The following ZNF175 variants were observed in gnomAD, a reference collection of about 807,000 sequenced individuals.
The protein encoded by ZNF175 is zinc finger protein 175.
Under a neutral mutation model 14.0 loss-of-function variants are expected in ZNF175, and 8 were observed. The observed-to-expected ratio is 0.57, with a 90% CI of 0.34 to 1.03. The LOEUF (loss-of-function observed/expected upper bound fraction) is 1.03. Ranked by LOEUF, ZNF175 falls within the 50% of genes least tolerant of loss-of-function variation. The pLI is 0.03. For missense variants in ZNF175, 764 were observed against 849.5 expected, an observed-to-expected ratio of 0.90 and a Z score of 1.25; for synonymous variants, 255 against 296.8, an observed-to-expected ratio of 0.86 and a Z score of 1.45.
chr19:51,591,567 T>C lies in ZNF175; in HGVS notation c.*3100T>C, dbSNP rs935726137. 1 of 152,188 alleles carries C rather than the reference T, an allele frequency of 6.6e-6. No individual in the cohort carries two copies. Among genetic ancestry groups the C allele is most frequent in the Non-Finnish European group, 1.5e-5 (1 of 68,038 alleles). The allele number at this position is 152,188 out of a possible 1,614,324, so 9.4% of individuals were successfully genotyped here. ...TTCTAGGCAGCTTGTATGAACTAAC[T>C]CGTTTATTCCTCACAGCCATTGTAG... On this transcript the variant is annotated 3_prime_UTR_variant, in exon 5 of 5. Transcript: ENST00000262259.
chr19:51,585,114 A>G (rs948503271), intron 4 of ZNF175, among the ~76,000 whole-genome samples: 3 of 152,234 alleles, frequency 2.0e-5, no homozygotes, highest in African/African-American at 4.8e-5. Context: ...AATGTGGTCT[A>G]TACATACAAT....
At chr19:51,582,285 A>T (rs1600084228) in intron 4 of ZNF175, among the ~76,000 whole-genome samples, 1 of 150,846 alleles carries the variant, frequency 6.6e-6, no homozygotes, top group East Asian at 1.9e-4. Flanking sequence ...GGGCTGTTTC[A>T]TTTTTTTTTG....
Position 51,574,029 on chromosome 19 carries a change from C to T in ZNF175, c.72+628C>T, listed in dbSNP as rs1981688276. ...AGAATTCTTGGTATAGTCAAGATTT[C>T]CTGAAATCCTAAATTATTCTGTGTA... On this transcript the variant is annotated intron_variant, in intron 2 of 4. Coordinates refer to ENST00000262259, the MANE Select transcript of ZNF175 (RefSeq NM_007147.4). The T allele has an allele frequency of 2.0e-5, 3 of 152,260 alleles. No individual in the cohort carries two copies. The South Asian group carries it at 6.2e-4, about 32-fold the overall frequency. The allele number at this position is 152,260 out of a possible 1,614,324, so 9.4% of individuals were successfully genotyped here.
In ZNF175 at chr19:51,586,008, T is replaced by C. The variant is rs531015304; in HGVS notation, c.296-619T>C. Among the ~76,000 whole-genome samples, 7 of 152,322 alleles carry C rather than the reference T, an allele frequency of 4.6e-5. No homozygotes were observed. The East Asian group carries it at 1.3e-3, about 29-fold the overall frequency. On this transcript the variant is annotated intron_variant, in intron 4 of 4. Transcript: ENST00000262259. ...GAGGCATAGTCATTCTTTCACTGGT[T>C]GGCCATGTCAAGATAGGTGAAGCTT...
At chr19:51,582,943 C>A (rs1490806281) in intron 4 of ZNF175, among the ~76,000 whole-genome samples, 1 of 152,066 alleles carries the variant, frequency 6.6e-6, no homozygotes, top group African/African-American at 2.4e-5. Context: ...GCAACCTCCG[C>A]CTCCCAGGTT....
In ZNF175 at chr19:51,573,226, G is replaced by T; in HGVS notation, c.-104G>T. On this transcript the variant is annotated 5_prime_UTR_variant, in exon 2 of 5. Transcript: ENST00000262259. The stretch of plus-strand genomic sequence containing the variant: ...TCTTCATAGCCCAGTACGACTCTCC[G>T]CCGTGTCCCTGGTTGGAAAATCCAA... 9.1e-7 allele frequency: 1 copy of T among 1,097,388 alleles called. No homozygotes were observed. Among genetic ancestry groups the T allele is most frequent in the East Asian group, 2.4e-5 (1 of 42,194 alleles). 68.0% of individuals were successfully genotyped at this position (1,097,388 alleles called of 1,614,324 possible).
In ZNF175 at chr19:51,587,799, C is replaced by T; in HGVS notation, c.1468C>T (p.Leu490Phe). ...GAAATCCTTCATTTCCAAGTCACAG[C>T]TTGATATACATCATCGAATTCATAC... ...CGKSFISKSQLDIHHRIHTGE... is the reference protein window; with the variant it reads ...CGKSFISKSQFDIHHRIHTGE... The change falls in exon 5 of 5, where the codon CTT becomes TTT. Residue 490 changes from leucine (L) to phenylalanine (F), a missense_variant. Transcript: ENST00000262259. 1.2e-5 allele frequency: 19 copies of T among 1,614,172 alleles called. No individual in the cohort carries two copies. Among genetic ancestry groups the T allele is most frequent in the Non-Finnish European group, 1.6e-5 (19 of 1,180,020 alleles).
intron 2 of ZNF175, 113 bp from the exon 3 acceptor site, chr19:51,581,278 G>C (rs1391449189): frequency 2.7e-6 from 4 of 1,455,634 alleles, no homozygotes; most frequent in Non-Finnish European, 3.8e-6. Flanking sequence ...TTGGTGGGAA[G>C]CCTCTGTGAT....
At chr19:51,584,149 T>C (rs1415318967) in intron 4 of ZNF175, among the ~76,000 whole-genome samples, 1 of 152,174 alleles carries the variant, frequency 6.6e-6, no homozygotes, top group Non-Finnish European at 1.5e-5. Flanking sequence ...GTCTATTTCA[T>C]GGAAGGCTAC....
intron 2 of ZNF175, among the ~76,000 whole-genome samples, chr19:51,575,209 GT>G (rs1288386083): frequency 1.4e-3 from 93 of 67,030 alleles, no homozygotes; most frequent in African/African-American, 5.1e-3. Flanking sequence ...TTTTAGAGAG[GT>G]TTTTTTTTTT....
intron 2 of ZNF175, among the ~76,000 whole-genome samples, chr19:51,578,962 C>G (rs1981901317): frequency 6.6e-6 from 1 of 152,016 alleles, no homozygotes; most frequent in African/African-American, 2.4e-5. Context: ...ACAAAAAATA[C>G]AAAAATTAAG....
Position 51,574,035 on chromosome 19 carries a change from A to T in ZNF175, c.72+634A>T, listed in dbSNP as rs1200830281. The T allele has an allele frequency of 2.0e-5, 3 of 152,296 alleles. No individual in the cohort carries two copies. The East Asian group carries it at 5.8e-4, about 29-fold the overall frequency. The allele number at this position is 152,296 out of a possible 1,614,324, so 9.4% of individuals were successfully genotyped here. On this transcript the variant is annotated intron_variant, in intron 2 of 4. Transcript: ENST00000262259. ...CTTGGTATAGTCAAGATTTCCTGAA[A>T]TCCTAAATTATTCTGTGTATCTCTT...
intron 4 of ZNF175, among the ~76,000 whole-genome samples, chr19:51,585,465 G>A (rs1982135303): frequency 6.6e-6 from 1 of 151,148 alleles, no homozygotes; most frequent in Non-Finnish European, 1.5e-5. Flanking sequence ...GTAATATTAT[G>A]CACTTTTGCT....
rs113860895 is a variant in ZNF175, at chr19:51,588,272, C to G, written c.1941C>G (p.Asp647Glu). 1.5e-5 allele frequency: 25 copies of G among 1,613,246 alleles called. No homozygotes were observed. In the African/African-American group the frequency reaches 1.6e-4, roughly 10 times the overall value. ...HMGEKPYECL[D>E]CGKSFSKKPQ... The stretch of plus-strand genomic sequence containing the variant: ...GAGAGAAACCCTATGAATGCCTTGA[C>G]TGTGGGAAATCGTTCAGTAAGAAAC... Residue 647 changes from aspartate to glutamate, a missense_variant, in exon 5 of 5, where the codon GAC (aspartate) becomes GAG (glutamate). Coordinates refer to ENST00000262259, the MANE Select transcript of ZNF175 (RefSeq NM_007147.4).
rs1287100050 is a variant in ZNF175 at position 51,587,690 on chromosome 19, G to T, written c.1359G>T (p.Gly453=). ...AGTCCTATGTGTGTATCGAATGCGG[G>T]CAGGCCTTCATCCAGAAGGCACACC... is the stretch of plus-strand genomic sequence containing the variant. ...GQKSYVCIEC[G]QAFIQKAHLI... The change falls in exon 5 of 5, where the codon GGG becomes GGT. Residue 453 remains glycine, a synonymous_variant. Coordinates refer to ENST00000262259, the MANE Select transcript of ZNF175 (RefSeq NM_007147.4). 2 of 1,614,050 alleles carry T rather than the reference G, an allele frequency of 1.2e-6. No individual in the cohort carries two copies. Among genetic ancestry groups the T allele is most frequent in the Middle Eastern group, 1.6e-4 (1 of 6,062 alleles).
At chr19:51,573,538 A>G (rs971287867) in intron 2 of ZNF175, 137 bp downstream of exon 2, 6 of 736,164 alleles carry the variant, frequency 8.2e-6, no homozygotes, top group Non-Finnish European at 4.5e-6. Context: ...ATGTTTCCAC[A>G]TTCATAGGCT....
In ZNF175 at chr19:51,587,456, G is replaced by A. The variant is rs766087936; in HGVS notation, c.1125G>A (p.Met375Ile). 30 of 1,614,084 alleles carry A rather than the reference G, an allele frequency of 1.9e-5. No homozygotes were observed. Among genetic ancestry groups the A allele is most frequent in the Admixed American group, 1.5e-4 (9 of 60,002 alleles). Reference sequence around the variant, plus strand: ...ACTGTGGAAAAGCCTTTTTCCAGATGTTATCTCTCTTCAGACATCAGAGAA... The same window carrying A: ...ACTGTGGAAAAGCCTTTTTCCAGATATTATCTCTCTTCAGACATCAGAGAA... ...CHDCGKAFFQ[M>I]LSLFRHQRTH... is the part of the protein sequence containing the mutation. The change falls in exon 5 of 5, where the codon ATG becomes ATA. Residue 375 changes from methionine to isoleucine, a missense_variant. Transcript: ENST00000262259.
rs898673911 is a variant in ZNF175 at position 51,582,285 on chromosome 19, A to AT, written c.295+412dup. ...TACTGATAGGTGAAAGGGCTGTTTC[A>AT]TTTTTTTTTGTTTTTGGTTTTGGTT... is the stretch of plus-strand genomic sequence containing the variant. On this transcript the variant is annotated intron_variant, in intron 4 of 4. Transcript: ENST00000262259. Among the ~76,000 whole-genome samples, 11 of 150,832 alleles carry AT rather than the reference A, an allele frequency of 7.3e-5. 1 individual carries two copies. The highest frequency in any genetic ancestry group is 1.7e-4 in the African/African-American group (7 of 41,068).
At position 51,592,120 on chromosome 19, in the gene ZNF175, T is replaced by G. The variant is rs1470676305; in HGVS notation, c.*3653T>G. On this transcript the variant is annotated 3_prime_UTR_variant, in exon 5 of 5. Coordinates refer to ENST00000262259, the MANE Select transcript of ZNF175 (RefSeq NM_007147.4). The stretch of plus-strand genomic sequence containing the variant: ...CATGTGATGTGATCAGAAAACATAC[T>G]GCCCAGAGTCCCCTGCCCCCACCCC... 2 of 155,948 alleles carry G rather than the reference T, an allele frequency of 1.3e-5. No homozygotes were observed. Among genetic ancestry groups the G allele is most frequent in the African/African-American group, 2.4e-5 (1 of 41,446 alleles). The allele number at this position is 155,948 out of a possible 1,614,324, so 9.7% of individuals were successfully genotyped here. A position where few individuals can be genotyped will look rare whatever the true frequency, so the allele number is the denominator to read the frequency against.
Sources: allele counts gnomAD v4.1 joint callset (sites outside exome capture counted in the v4.1 genomes callset), GRCh38; gene constraint gnomAD v4.1.1; transcripts MANE v1.5; gene names NCBI Gene and HGNC (gene_info 2026-07-23, HGNC 2026-07-21).